The following ATP13A3 variants were observed in gnomAD, a reference collection of about 807,000 sequenced individuals.
ATP13A3 encodes the protein ATPase 13A3.
ATP13A3 carries 59 observed loss-of-function variants against 158.1 expected under a neutral mutation model. That is an observed-to-expected ratio of 0.37 (90% CI 0.30 to 0.46). The LOEUF is 0.46. Ranked by LOEUF, ATP13A3 falls within the 20% of genes least tolerant of loss-of-function variation. The pLI is 1.00. For missense variants in ATP13A3, 1,166 were observed against 1,525.2 expected (o/e 0.76, Z 3.92); for synonymous variants, 491 against 504.3 (o/e 0.97, Z 0.35).
intron 2 of ATP13A3, among the ~76,000 whole-genome samples, chr3:194,484,579 C>G (rs903652612): frequency 1.3e-5 from 2 of 151,990 alleles, no homozygotes; most frequent in African/African-American, 4.8e-5. Flanking sequence ...TATCTTTATT[C>G]TGTCTTTTTT....
chr3:194,427,403 G>A (rs1023618682), intron 28 of ATP13A3, 151 bp from the exon 29 acceptor site: 9 of 662,974 alleles, frequency 1.4e-5, no homozygotes, highest in East Asian at 5.9e-5. Context: ...GCCACATATC[G>A]TACATATTTA....
Position 194,462,193 on chromosome 3 carries a change from C to G in ATP13A3, c.-3G>C. 1.2e-6 allele frequency: 2 copies of G among 1,613,594 alleles called. No homozygotes were observed. The highest frequency in any genetic ancestry group is 1.7e-6 in the Non-Finnish European group (2 of 1,179,546). On this transcript the variant is annotated 5_prime_UTR_variant, in exon 3 of 34. Coordinates refer to ENST00000645319, the MANE Select transcript of ATP13A3 (RefSeq NM_001367549.1). ...GTCTTCCTTTCTTCCCTGTCCATAC[C>G]TACAGTGGATTAAAGGTCCAGTGCT...
In ATP13A3 at chr3:194,457,129, A is replaced by G. The variant is rs200765717; in HGVS notation, c.525T>C (p.His175=). 7.4e-6 allele frequency: 12 copies of G among 1,613,626 alleles called. No individual in the cohort carries two copies. In the African/African-American group the frequency reaches 9.3e-5, roughly 13 times the overall value. Reference sequence around the variant, plus strand: ...GCATCCCCTTTGTCAGTCCTGCACTATGCTTTTCATAAATTGACGTACAAG... The same window carrying G: ...GCATCCCCTTTGTCAGTCCTGCACTGTGCTTTTCATAAATTGACGTACAAG... The part of the protein sequence containing the change: ...GVSCTSIYEK[H]SAGLTKGMHA... The change falls in exon 7 of 34, where the codon CAT becomes CAC. Residue 175 remains histidine (H), a synonymous_variant. Coordinates refer to ENST00000645319, the MANE Select transcript of ATP13A3 (RefSeq NM_001367549.1).
In ATP13A3 at chr3:194,454,369, G is replaced by A. The variant is rs775469503; in HGVS notation, c.654C>T (p.Phe218=). Residue 218 remains phenylalanine (F), a synonymous_variant, in exon 9 of 34, where the codon TTC becomes TTT. Coordinates refer to ENST00000645319, the MANE Select transcript of ATP13A3 (RefSeq NM_001367549.1). ...TCCACAGTATAACACTGAACAGCTG[G>A]AAAATGTAAAATGGGTTGAGAACCT... The part of the protein sequence containing the change: ...IKEVLNPFYI[F]QLFSVILWST... The A allele has an allele frequency of 5.0e-6, 8 of 1,611,722 alleles. No individual in the cohort carries two copies. In the South Asian group the frequency reaches 8.8e-5, roughly 18 times the overall value.
intron 17 of ATP13A3, 31 bp downstream of exon 17, chr3:194,438,825 C>T (rs552528013): frequency 8.2e-6 from 11 of 1,343,892 alleles, no homozygotes; most frequent in African/African-American, 6.0e-5. Flanking sequence ...TAACCACCAA[C>T]AGTTTTATCT....
At chr3:194,431,991 G>A (rs1717258052) in intron 21 of ATP13A3, 99 bp from the exon 22 acceptor site, 3 of 957,690 alleles carry the variant, frequency 3.1e-6, no homozygotes, top group Non-Finnish European at 4.3e-6. Flanking sequence ...TCCATGACTG[G>A]GCTGGCAGAG....
chr3:194,416,115 T>C (rs536325229), intron 31 of ATP13A3, among the ~76,000 whole-genome samples: 37 of 152,330 alleles, frequency 2.4e-4, no homozygotes, highest in African/African-American at 8.9e-4. Flanking sequence ...CTATAATTCA[T>C]CACATTCTTC....
intron 33 of ATP13A3, among the ~76,000 whole-genome samples, chr3:194,409,692 A>ATTTTTT (rs1715207299): frequency 9.3e-6 from 1 of 107,768 alleles, no homozygotes; most frequent in African/African-American, 6.7e-5. Context: ...TGACGTAAAG[A>ATTTTTT]ATTTTTTTTT....
intron 2 of ATP13A3, among the ~76,000 whole-genome samples, chr3:194,472,930 T>C (rs951919556): frequency 6.6e-6 from 1 of 152,136 alleles, no homozygotes; most frequent in African/African-American, 2.4e-5. Flanking sequence ...TGTTCTCACT[T>C]GTAAGTGGGA....
rs1401720280 is a variant in ATP13A3 at position 194,448,253 on chromosome 3, T to C, written c.1150+204A>G. 6.6e-6 allele frequency among the ~76,000 whole-genome samples: 1 copy of C among 152,094 alleles called. No homozygotes were observed. The highest frequency in any genetic ancestry group is 1.9e-4 in the East Asian group (1 of 5,188). On this transcript the variant is annotated intron_variant, in intron 12 of 33. Transcript: ENST00000645319. This position sits in a 1 kb window ranked among gnomAD's most constrained non-coding sequence, Gnocchi z 4.0. ...CCACCAGGCCCGGCTAATTTTTTTGTAATTTTGGTAGAGACGGGGTTTCAC... is the reference window on the plus strand; with the variant it reads ...CCACCAGGCCCGGCTAATTTTTTTGCAATTTTGGTAGAGACGGGGTTTCAC...
At chr3:194,454,219 C>A in intron 9 of ATP13A3, 39 bp downstream of exon 9, 1 of 1,542,984 alleles carries the variant, frequency 6.5e-7, no homozygotes, top group South Asian at 1.1e-5. Flanking sequence ...CTACAAAATA[C>A]AAATACAGTT....
chr3:194,447,850 ACCT>A lies in ATP13A3; in HGVS notation c.1307_1308+1del. The A allele has an allele frequency of 6.2e-7, 1 of 1,606,338 alleles. No individual in the cohort carries two copies. The highest frequency in any genetic ancestry group is 8.5e-7 in the Non-Finnish European group (1 of 1,173,288). On this transcript the variant is annotated splice_donor_variant and coding_sequence_variant, in exon 13 of 34. Transcript: ENST00000645319. LOFTEE classifies it high-confidence loss of function. The stretch of plus-strand genomic sequence containing the variant: ...ACCCTATTAAGAGTCCCACATACAT[ACCT>A]CATTTAAAATGCTATTAATAATAGT...
chr3:194,486,962 A>AGCCGGCAGGCAGGCGGGGGAGC lies in ATP13A3; in HGVS notation c.-507_-486dup. ...CGGCGCCCGATCACGCTGCGGGGAG[A>AGCCGGCAGGCAGGCGGGGGAGC]GCCGGCAGGCAGGCGGGGGAGCGCG... On this transcript the variant is annotated 5_prime_UTR_variant, in exon 1 of 34. Transcript: ENST00000645319. 6.7e-6 allele frequency: 1 copy of AGCCGGCAGGCAGGCGGGGGAGC among 150,158 alleles called. No individual in the cohort carries two copies. Among genetic ancestry groups the AGCCGGCAGGCAGGCGGGGGAGC allele is most frequent in the East Asian group, 1.9e-4 (1 of 5,138 alleles). 9.3% of individuals were successfully genotyped at this position (150,158 alleles called of 1,614,324 possible).
chr3:194,410,908 A>G (rs1391480889), intron 33 of ATP13A3, among the ~76,000 whole-genome samples: 1 of 97,630 alleles, frequency 1.0e-5, no homozygotes, highest in East Asian at 3.3e-4. Flanking sequence ...GTAACTATAT[A>G]TATGGGGGTG....
rs1426886113 is a variant in ATP13A3 at position 194,446,911 on chromosome 3, A to G, written c.1497+16T>C. On this transcript the variant is annotated intron_variant, in intron 14 of 33. Coordinates refer to ENST00000645319, the MANE Select transcript of ATP13A3 (RefSeq NM_001367549.1). ...TACGAAGTAACCTTTGAAAGTAACTATGAAACTGAACCCACCTTGTCAAAG... is the reference window on the plus strand; with the variant it reads ...TACGAAGTAACCTTTGAAAGTAACTGTGAAACTGAACCCACCTTGTCAAAG... 1 of 1,576,798 alleles carries G rather than the reference A, an allele frequency of 6.3e-7. No homozygotes were observed. Among genetic ancestry groups the G allele is most frequent in the South Asian group, 1.2e-5 (1 of 85,024 alleles).
Position 194,405,813 on chromosome 3 carries a change from G to T in ATP13A3, c.*106C>A. ...GTCAAATAAGCTACTATATCAGAAGGGACATAAACTGAACTAGTGCCATTC... is the reference window on the plus strand; with the variant it reads ...GTCAAATAAGCTACTATATCAGAAGTGACATAAACTGAACTAGTGCCATTC... On this transcript the variant is annotated 3_prime_UTR_variant, in exon 34 of 34. Coordinates refer to ENST00000645319, the MANE Select transcript of ATP13A3 (RefSeq NM_001367549.1). 8.6e-7 allele frequency: 1 copy of T among 1,163,648 alleles called. No homozygotes were observed. The highest frequency in any genetic ancestry group is 1.3e-6 in the Non-Finnish European group (1 of 795,326). The allele number at this position is 1,163,648 out of a possible 1,614,324, so 72.1% of individuals were successfully genotyped here.
intron 2 of ATP13A3, among the ~76,000 whole-genome samples, chr3:194,466,916 G>A (rs555623888): frequency 3.3e-5 from 5 of 152,358 alleles, no homozygotes; most frequent in Admixed American, 1.3e-4. Flanking sequence ...TTCTGGCACA[G>A]AGGGCCACGA....
chr3:194,459,285 C>T lies in ATP13A3; in HGVS notation c.479+186G>A, dbSNP rs1388606355. On this transcript the variant is annotated intron_variant, in intron 6 of 33. Coordinates refer to ENST00000645319, the MANE Select transcript of ATP13A3 (RefSeq NM_001367549.1). Reference sequence around the variant, plus strand: ...GTAAACTCTGCCATGGTGCAAGCTGCGGTGGGACTTATTTTAAAATGGCTA... The same window carrying T: ...GTAAACTCTGCCATGGTGCAAGCTGTGGTGGGACTTATTTTAAAATGGCTA... 9 of 563,474 alleles carry T rather than the reference C, an allele frequency of 1.6e-5. 1 individual carries two copies. Among genetic ancestry groups the T allele is most frequent in the South Asian group, 6.3e-5 (3 of 47,728 alleles). 34.9% of individuals were successfully genotyped at this position (563,474 alleles called of 1,614,324 possible).
At chr3:194,480,980 T>C (rs147842142) in intron 2 of ATP13A3, among the ~76,000 whole-genome samples, 1 of 152,326 alleles carries the variant, frequency 6.6e-6, no homozygotes. Flanking sequence ...GACACTAGAA[T>C]TGAAAGACAG....
Sources: allele counts gnomAD v4.1 joint callset (sites outside exome capture counted in the v4.1 genomes callset), GRCh38; gene constraint gnomAD v4.1.1; non-coding constraint Gnocchi (gnomAD v3.1); transcripts MANE v1.5; gene names NCBI Gene and HGNC (gene_info 2026-07-23, HGNC 2026-07-21).